UBE3A: variants seen among roughly 807,000 people sequenced by gnomAD.
The protein encoded by UBE3A is ubiquitin protein ligase E3A, also known as ubiquitin-protein ligase E3A.
In UBE3A, 6 loss-of-function variants were observed where a neutral mutation model predicts 83.4. The ratio of observed to expected loss-of-function variants is 0.07; its 90% confidence interval spans 0.04 to 0.14. The LOEUF (loss-of-function observed/expected upper bound fraction) is 0.14. Among genes scored for constraint, UBE3A ranks in the 10% least tolerant of loss-of-function variants. The pLI is 1.00. For synonymous variants in UBE3A, 337 were observed against 355.4 expected (o/e 0.95, Z 0.58); for missense variants, 456 against 1,036.1 (o/e 0.44, Z 7.69).
rs200901786 is a variant in UBE3A at position 25,354,510 on chromosome 15, A to C, written c.2280+18T>G. ...AATAAATCGATACATGACTTTTTGC[A>C]GACACCTGCTTTCTTACCCGGCTTC... On this transcript the variant is annotated intron_variant, in intron 10 of 12. Transcript: ENST00000648336. 6.2e-7 allele frequency: 1 copy of C among 1,613,956 alleles called. No individual in the cohort carries two copies. The highest frequency in any genetic ancestry group is 1.7e-5 in the Admixed American group (1 of 60,018).
chr15:25,424,981 C>T (rs566238970), intron 1 of UBE3A, among the ~76,000 whole-genome samples: 3 of 152,114 alleles, frequency 2.0e-5, no homozygotes, highest in Admixed American at 6.5e-5. Flanking sequence ...TATTAAAATC[C>T]CAGTTGCATT....
chr15:25,391,703 G>A (rs1163122674), intron 4 of UBE3A: 3 of 152,150 alleles, frequency 2.0e-5, no homozygotes, highest in Non-Finnish European at 4.4e-5. Context: ...AAGAGCCATA[G>A]GACAAGTCTC....
chr15:25,391,234 G>C (rs1430361520), intron 4 of UBE3A, among the ~76,000 whole-genome samples: 1 of 152,178 alleles, frequency 6.6e-6, no homozygotes, highest in African/African-American at 2.4e-5. Context: ...ATGTGAAATA[G>C]GCCAGTCAAC....
chr15:25,408,867 T>G (rs1345643559), intron 3 of UBE3A, among the ~76,000 whole-genome samples: 8 of 152,240 alleles, frequency 5.3e-5, no homozygotes, highest in Admixed American at 5.2e-4. Flanking sequence ...AATACTTTCC[T>G]GTTTATACAT....
intron 4 of UBE3A, among the ~76,000 whole-genome samples, chr15:25,388,094 T>A (rs2083513168): frequency 6.6e-6 from 1 of 152,114 alleles, no homozygotes; most frequent in Non-Finnish European, 1.5e-5. Context: ...GCAAAGGAGA[T>A]GCTCCTATCT....
chr15:25,374,593 G>A (rs1490897940), intron 5 of UBE3A: 1 of 152,236 alleles, frequency 6.6e-6, no homozygotes, highest in Non-Finnish European at 1.5e-5. Flanking sequence ...TGGAAACAGA[G>A]TAGAGGTTAT....
chr15:25,361,981 A>G lies in UBE3A; in HGVS notation c.1609-1454T>C, dbSNP rs141432438. Among the ~76,000 whole-genome samples, 372 of 152,332 alleles carry G rather than the reference A, an allele frequency of 2.4e-3. 2 individuals are homozygous for G. The highest frequency in any genetic ancestry group is 7.9e-3 in the African/African-American group (328 of 41,584). ...GCATCAGGTCAGGTTGCCCGAGAGCATTGTTTTTTCAAACTTGTCACCTGC... is the reference window on the plus strand; with the variant it reads ...GCATCAGGTCAGGTTGCCCGAGAGCGTTGTTTTTTCAAACTTGTCACCTGC... On this transcript the variant is annotated intron_variant, in intron 6 of 12. Transcript: ENST00000648336.
At chr15:25,353,849 C>A (rs985832700) in intron 11 of UBE3A, among the ~76,000 whole-genome samples, 8 of 152,042 alleles carry the variant, frequency 5.3e-5, no homozygotes, top group Non-Finnish European at 4.4e-5. Flanking sequence ...GAACTGGGAA[C>A]CTCTACATCT....
intron 4 of UBE3A, among the ~76,000 whole-genome samples, chr15:25,404,441 C>T (rs567378927): frequency 6.6e-6 from 1 of 152,214 alleles, no homozygotes; most frequent in East Asian, 1.9e-4. Flanking sequence ...CCTCGAAAAA[C>T]TTTGCTTTGA....
At chr15:25,354,313 T>C (rs2076929525) in intron 11 of UBE3A, 40 bp downstream of exon 11, 1 of 1,593,878 alleles carries the variant, frequency 6.3e-7, no homozygotes, top group Non-Finnish European at 8.6e-7. Flanking sequence ...CACACCCCTT[T>C]GGTGAATCAA....
rs897464017 is a variant in UBE3A, at chr15:25,337,741, T to C, written c.*1396A>G. 3.9e-5 allele frequency: 6 copies of C among 152,198 alleles called. No individual in the cohort carries two copies. The highest frequency in any genetic ancestry group is 1.4e-4 in the African/African-American group (6 of 41,538). 9.4% of individuals were successfully genotyped at this position (152,198 alleles called of 1,614,324 possible). On this transcript the variant is annotated 3_prime_UTR_variant, in exon 13 of 13. Coordinates refer to ENST00000648336, the MANE Select transcript of UBE3A (RefSeq NM_130839.5). ...AGCTCAGCACATTAGCTATAGCTTGTAGCAAAAGGATATATCAATGTCTCA... is the reference window on the plus strand; with the variant it reads ...AGCTCAGCACATTAGCTATAGCTTGCAGCAAAAGGATATATCAATGTCTCA...
At chr15:25,364,716 G>A (rs1010469210) in intron 6 of UBE3A, among the ~76,000 whole-genome samples, 5 of 148,984 alleles carry the variant, frequency 3.4e-5, no homozygotes, top group African/African-American at 5.0e-5. Context: ...CAATCTTGGC[G>A]CACTGCAAGC....
intron 9 of UBE3A, among the ~76,000 whole-genome samples, 153 bp from the exon 10 acceptor site, chr15:25,354,836 C>T (rs1252008030): frequency 6.6e-6 from 1 of 151,936 alleles, no homozygotes; most frequent in Non-Finnish European, 1.5e-5. Context: ...TTAACAATTT[C>T]ACAATTCTCT....
intron 4 of UBE3A, chr15:25,393,674 T>C (rs1443576653): frequency 2.0e-5 from 3 of 152,254 alleles, no homozygotes; most frequent in Non-Finnish European, 4.4e-5. Context: ...CATTCTACTT[T>C]GAGAAGATTC....
At chr15:25,352,468 A>G (rs1013811414) in intron 11 of UBE3A, among the ~76,000 whole-genome samples, 3 of 152,250 alleles carry the variant, frequency 2.0e-5, no homozygotes, top group South Asian at 4.1e-4. Context: ...TTACGTTTAC[A>G]TTATACTGTA....
intron 11 of UBE3A, among the ~76,000 whole-genome samples, chr15:25,348,871 T>C (rs1407456346): frequency 2.0e-5 from 3 of 152,236 alleles, no homozygotes; most frequent in Non-Finnish European, 4.4e-5. Flanking sequence ...TGTTAAAATG[T>C]GAATTCTCTC....
intron 4 of UBE3A, among the ~76,000 whole-genome samples, chr15:25,394,968 GAA>G (rs1220545453): frequency 3.3e-5 from 5 of 152,124 alleles, no homozygotes. Context: ...ATCCCATGAA[GAA>G]AAATGCAGCA....
chr15:25,425,716 A>G (rs1177842684), intron 1 of UBE3A, among the ~76,000 whole-genome samples: 1 of 152,064 alleles, frequency 6.6e-6, no homozygotes, highest in Non-Finnish European at 1.5e-5. Flanking sequence ...ATAGCTTTTT[A>G]TTTTTCTTTT....
At chr15:25,399,706 C>T (rs1332630782) in intron 4 of UBE3A, among the ~76,000 whole-genome samples, 1 of 151,746 alleles carries the variant, frequency 6.6e-6, no homozygotes, top group Non-Finnish European at 1.5e-5. Flanking sequence ...GTAGCTAGGA[C>T]TACAGATACA....
Sources: gnomAD v4.1 joint callset for allele counts (sites outside exome capture counted in the v4.1 genomes callset) on GRCh38, gnomAD v4.1.1 for gene constraint, MANE v1.5 for transcripts, NCBI Gene and HGNC (gene_info 2026-07-23, HGNC 2026-07-21) for gene names.